The following TFCP2 variants were observed in gnomAD, a reference collection of about 807,000 sequenced individuals.
TFCP2 encodes alpha-globin transcription factor CP2.
Under a neutral mutation model 73.4 loss-of-function variants are expected in TFCP2, and 33 were observed. The ratio of observed to expected loss-of-function variants is 0.45; its 90% CI spans 0.34 to 0.60. The LOEUF (loss-of-function observed/expected upper bound fraction) is 0.60, where lower values mean the gene tolerates loss of function less well. Ranked by LOEUF, TFCP2 falls within the 20% of genes least tolerant of loss-of-function variation. TFCP2 has a pLI of 0.01. For missense variants in TFCP2, 352 were observed against 604.0 expected (o/e 0.58, Z 4.37); for synonymous variants, 193 against 211.6 (o/e 0.91, Z 0.76).
intron 5 of TFCP2, among the ~76,000 whole-genome samples, chr12:51,110,338 G>A (rs1252312208): frequency 1.3e-5 from 2 of 152,154 alleles, no homozygotes; most frequent in African/African-American, 4.8e-5. Flanking sequence ...GGAGGCCAAG[G>A]TGGGTGGGTC....
rs1335442310 is a variant in TFCP2 at position 51,106,907 on chromosome 12, GA to G, written c.829-295del. 3 of 496,358 alleles carry G rather than the reference GA, an allele frequency of 6.0e-6. No homozygotes were observed. In the Admixed American group the frequency reaches 1.1e-4, roughly 18 times the overall value. 30.7% of individuals were successfully genotyped at this position (496,358 alleles called of 1,614,324 possible). A position where few individuals can be genotyped will look rare whatever the true frequency, so the allele number is the denominator to read the frequency against. On this transcript the variant is annotated intron_variant, in intron 7 of 14. Coordinates refer to ENST00000257915, the MANE Select transcript of TFCP2 (RefSeq NM_005653.5). ...GCAGCACACAGCTCTTCCTAAAATT[GA>G]AGGTGGTTTATGCCCAAGATGAAAC...
chr12:51,102,242 T>C (rs1320070338), intron 10 of TFCP2, among the ~76,000 whole-genome samples: 3 of 152,136 alleles, frequency 2.0e-5, no homozygotes. Context: ...GCTTTCATCA[T>C]ACTGATGATG....
At chr12:51,123,408 A>G (rs912464042) in intron 1 of TFCP2, among the ~76,000 whole-genome samples, 2 of 152,226 alleles carry the variant, frequency 1.3e-5, no homozygotes, top group Non-Finnish European at 2.9e-5. Context: ...ATTTATACCA[A>G]AACAAAAACA....
chr12:51,172,189 C>A (rs1941876063), intron 1 of TFCP2, 112 bp downstream of exon 1: 24 of 1,442,876 alleles, frequency 1.7e-5, no homozygotes, highest in Non-Finnish European at 2.2e-5. Flanking sequence ...TTTCCCCAAT[C>A]GTAAACAGCT....
intron 1 of TFCP2, among the ~76,000 whole-genome samples, chr12:51,164,193 C>T (rs2956428): frequency 0.58 from 87,716 of 151,770 alleles, 26,471 homozygotes; most frequent in Non-Finnish European, 0.68. Flanking sequence ...TAACAGAGCA[C>T]GGCCCCATTT....
intron 5 of TFCP2, among the ~76,000 whole-genome samples, chr12:51,109,660 G>C (rs1012952525): frequency 2.0e-5 from 3 of 151,760 alleles, no homozygotes; most frequent in African/African-American, 7.3e-5. Flanking sequence ...AAAGTTCACA[G>C]CAATAGTGGA....
intron 5 of TFCP2, 125 bp downstream of exon 5, chr12:51,110,752 T>G: frequency 1.5e-6 from 1 of 681,792 alleles, no homozygotes; most frequent in South Asian, 2.0e-5. Flanking sequence ...TTAAAGAGCC[T>G]GGGCTTGACA....
Position 51,109,209 on chromosome 12 carries a change from C to T in TFCP2, c.629G>A (p.Arg210Gln), listed in dbSNP as rs762404515. The change falls in exon 6 of 15, where the codon CGA becomes CAA. Residue 210 changes from arginine to glutamine, a missense_variant. Physicochemically the swap from Arg to Gln is conservative, Grantham distance 43 (BLOSUM62 1). This residue lies in a region of TFCP2 where 4 missense variants were observed against 35.6 expected (regional missense o/e 0.11). Transcript: ENST00000257915. Reference sequence around the variant, plus strand: ...CTCCTTGAAGGTATCTATTTGTACTCGGAATGGCACCCCCTTTTCTCCACC... The same window carrying T: ...CTCCTTGAAGGTATCTATTTGTACTTGGAATGGCACCCCCTTTTCTCCACC... The part of the protein sequence containing the change: ...KHGGEKGVPF[R>Q]VQIDTFKENE... 22 of 1,614,152 alleles carry T rather than the reference C, an allele frequency of 1.4e-5. No individual in the cohort carries two copies. Among genetic ancestry groups the T allele is most frequent in the Non-Finnish European group, 1.7e-5 (20 of 1,180,024 alleles).
chr12:51,103,103 T>C (rs1480756500), intron 10 of TFCP2, among the ~76,000 whole-genome samples: 1 of 151,992 alleles, frequency 6.6e-6, no homozygotes, highest in African/African-American at 2.4e-5. Context: ...GCCAATATGG[T>C]GAAACCCTGT....
intron 1 of TFCP2, among the ~76,000 whole-genome samples, chr12:51,119,008 G>C (rs1244068263): frequency 1.3e-5 from 2 of 152,170 alleles, no homozygotes; most frequent in Non-Finnish European, 2.9e-5. Context: ...AATGTTTCTA[G>C]GAATCATAGA....
chr12:51,158,552 G>C (rs763178277), intron 1 of TFCP2, among the ~76,000 whole-genome samples: 1 of 151,918 alleles, frequency 6.6e-6, no homozygotes, highest in South Asian at 2.1e-4. Flanking sequence ...GCAGTGGCAC[G>C]ATCTCGGCTC....
At chr12:51,156,710 C>T (rs1306325408) in intron 1 of TFCP2, among the ~76,000 whole-genome samples, 1 of 152,140 alleles carries the variant, frequency 6.6e-6, no homozygotes, top group Non-Finnish European at 1.5e-5. Context: ...GGGACATTTT[C>T]GATTACAAAT....
chr12:51,162,027 C>G (rs1242312134), intron 1 of TFCP2, among the ~76,000 whole-genome samples: 1 of 151,064 alleles, frequency 6.6e-6, no homozygotes, highest in Non-Finnish European at 1.5e-5. Context: ...ATACAAGAGC[C>G]AAAATAAAGA....
At position 51,148,016 on chromosome 12, in the gene TFCP2, T is replaced by C. The variant is rs190506792; in HGVS notation, c.122+24285A>G. 1.8e-3 allele frequency among the ~76,000 whole-genome samples: 276 copies of C among 152,012 alleles called. 3 individuals carry two copies. In the Middle Eastern group the frequency reaches 0.027, roughly 15 times the overall value. On this transcript the variant is annotated intron_variant, in intron 1 of 14. Transcript: ENST00000257915. Reference sequence around the variant, plus strand: ...CAATTCTCAAAAGAAGACATACAAATAGCCAACAAGCATATGGAAAAATGC... The same window carrying C: ...CAATTCTCAAAAGAAGACATACAAACAGCCAACAAGCATATGGAAAAATGC...
At chr12:51,145,086 A>AAGG (rs1401550438) in intron 1 of TFCP2, among the ~76,000 whole-genome samples, 3 of 151,828 alleles carry the variant, frequency 2.0e-5, no homozygotes, top group Non-Finnish European at 4.4e-5. Flanking sequence ...CTGTATTCCT[A>AAGG]GCTACTTGGG....
At position 51,136,516 on chromosome 12, in the gene TFCP2, T is replaced by C. The variant is rs1406721961; in HGVS notation, c.123-17744A>G. Among the ~76,000 whole-genome samples the C allele has an allele frequency of 4.6e-5, 7 of 152,072 alleles. No homozygotes were observed. The East Asian group carries it at 1.3e-3, about 29-fold the overall frequency. On this transcript the variant is annotated intron_variant, in intron 1 of 14. Transcript: ENST00000257915. ...ATTATTTTAAAACATATAGTAAAAA[T>C]GATGTAACTTGAAAGGGCCTAGTAT... is the stretch of plus-strand genomic sequence containing the variant.
At chr12:51,157,618 G>C (rs143757633) in intron 1 of TFCP2, among the ~76,000 whole-genome samples, 2 of 151,476 alleles carry the variant, frequency 1.3e-5, no homozygotes, top group Non-Finnish European at 2.9e-5. Context: ...CTGTGGAATT[G>C]AGGGTAATAT....
chr12:51,169,266 T>C (rs915107698), intron 1 of TFCP2, among the ~76,000 whole-genome samples: 1 of 151,952 alleles, frequency 6.6e-6, no homozygotes, highest in Non-Finnish European at 1.5e-5. Context: ...TTTGGGAGGC[T>C]GAGACGGGTG....
intron 6 of TFCP2, among the ~76,000 whole-genome samples, chr12:51,107,672 TC>T (rs1319699377): frequency 6.6e-6 from 1 of 151,950 alleles, no homozygotes; most frequent in African/African-American, 2.4e-5. Flanking sequence ...GGTGGCGAGA[TC>T]TTGGCTCACT....
Sources: gnomAD v4.1 joint callset for allele counts (sites outside exome capture counted in the v4.1 genomes callset) on GRCh38, gnomAD v4.1.1 for gene constraint, gnomAD v4.1.1 regional missense constraint, MANE v1.5 for transcripts, NCBI Gene and HGNC (gene_info 2026-07-23, HGNC 2026-07-21) for gene names.